Variants in C12orf50 observed in about 807,000 individuals in gnomAD.
C12orf50 encodes zinc finger CCCH-type containing 11D.
In C12orf50, 35 loss-of-function variants were observed where a neutral mutation model predicts 61.6. The ratio of observed to expected loss-of-function variants is 0.57; its 90% CI spans 0.43 to 0.75. C12orf50 has a LOEUF of 0.75. Ranked by LOEUF, C12orf50 falls within the 30% of genes least tolerant of loss-of-function variation. C12orf50 has a pLI of 0.00. For missense variants in C12orf50, 475 were observed against 488.5 expected (o/e 0.97, Z 0.26); for synonymous variants, 178 against 161.5 (o/e 1.10, Z -0.77).
chr12:87,993,200 C>G (rs1009990548), intron 7 of C12orf50, among the ~76,000 whole-genome samples: 3 of 152,084 alleles, frequency 2.0e-5, no homozygotes, highest in African/African-American at 7.2e-5. Context: ...TAACTCCCAA[C>G]AAAGTAGGTA....
chr12:87,990,184 A>G (rs2031051740), intron 7 of C12orf50, among the ~76,000 whole-genome samples: 1 of 152,190 alleles, frequency 6.6e-6, no homozygotes, highest in South Asian at 2.1e-4. Context: ...GTAAGAATGT[A>G]TGTTTATCAT....
At position 87,980,360 on chromosome 12, in the gene C12orf50, A is replaced by G. The variant is rs2030396259; in HGVS notation, c.1220-4T>C. ...TTGCTCCCATTTCTTCTTGGCTCTA[A>G]TAATAAAATACACAAAATATTTCAA... is the stretch of plus-strand genomic sequence containing the variant. On this transcript the variant is annotated splice_region_variant and splice_polypyrimidine_tract_variant and intron_variant, in intron 12 of 12. Coordinates refer to ENST00000298699, the MANE Select transcript of C12orf50 (RefSeq NM_152589.3). The G allele has an allele frequency of 6.2e-7, 1 of 1,604,954 alleles. No individual in the cohort carries two copies. Among genetic ancestry groups the G allele is most frequent in the Non-Finnish European group, 8.5e-7 (1 of 1,172,910 alleles).
chr12:88,003,017 C>A (rs372023642), intron 3 of C12orf50, among the ~76,000 whole-genome samples: 1 of 151,874 alleles, frequency 6.6e-6, no homozygotes, highest in East Asian at 1.9e-4. Flanking sequence ...CTATACATGA[C>A]AAACCCAGTA....
chr12:88,017,398 G>A (rs1418748227), intron 3 of C12orf50, among the ~76,000 whole-genome samples: 1 of 152,198 alleles, frequency 6.6e-6, no homozygotes. Flanking sequence ...GGCCTCCCCA[G>A]CCATGTGGAA....
intron 3 of C12orf50, among the ~76,000 whole-genome samples, chr12:88,008,508 T>A (rs543784519): frequency 2.0e-5 from 3 of 152,176 alleles, no homozygotes; most frequent in African/African-American, 7.2e-5. Context: ...GTCTTTGCTA[T>A]TGTGAATAGT....
chr12:87,980,404 C>T (rs764891796), intron 12 of C12orf50, 48 bp from the exon 13 acceptor site: 18 of 1,479,962 alleles, frequency 1.2e-5, no homozygotes, highest in Non-Finnish European at 1.6e-5. Context: ...TTGTTTAGCG[C>T]ACTGATATTT....
chr12:88,025,271 T>C (rs1367336485), intron 3 of C12orf50, among the ~76,000 whole-genome samples: 2 of 152,112 alleles, frequency 1.3e-5, no homozygotes, highest in African/African-American at 4.8e-5. Flanking sequence ...GGAGTATGGA[T>C]GATTCATGGT....
intron 3 of C12orf50, among the ~76,000 whole-genome samples, chr12:88,024,547 T>G (rs991301915): frequency 6.6e-6 from 1 of 152,170 alleles, no homozygotes; most frequent in Non-Finnish European, 1.5e-5. Context: ...AAATGCCACA[T>G]GTTCTAACTT....
chr12:88,010,985 T>C (rs1441890260), intron 3 of C12orf50, among the ~76,000 whole-genome samples: 1 of 152,136 alleles, frequency 6.6e-6, no homozygotes, highest in African/African-American at 2.4e-5. Flanking sequence ...TTTAAGAAAC[T>C]ACTATAATGT....
chr12:87,996,238 A>G, intron 6 of C12orf50, 136 bp downstream of exon 6: 1 of 676,930 alleles, frequency 1.5e-6, no homozygotes, highest in Non-Finnish European at 2.5e-6. Flanking sequence ...CATCCAATAC[A>G]AACACTTTCT....
rs144368781 is a variant in C12orf50 at position 87,991,965 on chromosome 12, C to T, written c.593-2594G>A. 1.5e-3 allele frequency among the ~76,000 whole-genome samples: 234 copies of T among 152,286 alleles called. 1 individual carries two copies. Among genetic ancestry groups the T allele is most frequent in the East Asian group, 2.9e-3 (15 of 5,172 alleles). ...AAAATTTTGAGTTGCTGGACCCGCA[C>T]ATTCCTAGCTGAGGTCTAACAATGG... On this transcript the variant is annotated intron_variant, in intron 7 of 12. Coordinates refer to ENST00000298699, the MANE Select transcript of C12orf50 (RefSeq NM_152589.3).
Position 87,996,444 on chromosome 12 carries a change from T to G in C12orf50, c.411A>C (p.Ser137=). 4.3e-6 allele frequency: 7 copies of G among 1,613,428 alleles called. No homozygotes were observed. The highest frequency in any genetic ancestry group is 5.9e-6 in the Non-Finnish European group (7 of 1,179,568). Reference sequence around the variant, plus strand: ...TTTCTGCTGTAGGTGTCATGCTTTTTGATGACAAAATATCTGGAGGAGTAT... The same window carrying G: ...TTTCTGCTGTAGGTGTCATGCTTTTGGATGACAAAATATCTGGAGGAGTAT... ...RFHTPPDILS[S]KSMTPTAEKQ... Residue 137 remains serine, a synonymous_variant, in exon 6 of 13, where the codon TCA becomes TCC. Transcript: ENST00000298699.
At chr12:88,000,028 G>A (rs904534542) in intron 3 of C12orf50, among the ~76,000 whole-genome samples, 20 of 151,902 alleles carry the variant, frequency 1.3e-4, no homozygotes, top group Non-Finnish European at 2.5e-4. Flanking sequence ...TTGGGAATTG[G>A]AAAAAAATGA....
rs952198505 is a variant in C12orf50 at position 87,985,759 on chromosome 12, A to C, written c.1126+91T>G. On this transcript the variant is annotated intron_variant, in intron 11 of 12. Transcript: ENST00000298699. ...TGGCCAGGGTAAAGAAGAGGGGAGTAAGTAGTAGTGAAGTTTAGCCAAGCT... is the reference window on the plus strand; with the variant it reads ...TGGCCAGGGTAAAGAAGAGGGGAGTCAGTAGTAGTGAAGTTTAGCCAAGCT... 8.8e-6 allele frequency: 11 copies of C among 1,245,224 alleles called. No homozygotes were observed. In the African/African-American group the frequency reaches 1.3e-4, roughly 15 times the overall value. 77.1% of individuals were successfully genotyped at this position (1,245,224 alleles called of 1,614,324 possible). A position where few individuals can be genotyped will look rare whatever the true frequency, so the allele number is the denominator to read the frequency against.
intron 3 of C12orf50, among the ~76,000 whole-genome samples, chr12:88,013,209 GA>G (rs79216884): frequency 0.087 from 13,197 of 151,568 alleles, 1,543 homozygotes; most frequent in African/African-American, 0.27. Context: ...TTGGATGGGG[GA>G]AAAAAAATAA....
chr12:87,994,727 A>G lies in C12orf50; in HGVS notation c.498T>C (p.Val166=). The change falls in exon 7 of 13, where the codon GTT becomes GTC. Residue 166 remains valine, a synonymous_variant. Coordinates refer to ENST00000298699, the MANE Select transcript of C12orf50 (RefSeq NM_152589.3). Reference sequence around the variant, plus strand: ...TTTCATATTGGCTAAGTTTTGTCGGAACTGTAAGACTATCTCCTAGAAATA... The same window carrying G: ...TTTCATATTGGCTAAGTTTTGTCGGGACTGTAAGACTATCTCCTAGAAATA... ...SELQEGDSLT[V]PTKLSQYERQ... 1 of 1,611,062 alleles carries G rather than the reference A, an allele frequency of 6.2e-7. No individual in the cohort carries two copies. The highest frequency in any genetic ancestry group is 2.2e-5 in the East Asian group (1 of 44,766).
At chr12:87,994,361 G>GACAC (rs35200222) in intron 7 of C12orf50, among the ~76,000 whole-genome samples, 4 of 150,170 alleles carry the variant, frequency 2.7e-5, no homozygotes, top group Non-Finnish European at 4.5e-5. Flanking sequence ...CCTACACACA[G>GACAC]ACACACACAC....
intron 4 of C12orf50, 148 bp from the exon 5 acceptor site, chr12:87,996,794 A>G: frequency 1.7e-6 from 1 of 605,776 alleles, no homozygotes; most frequent in Non-Finnish European, 2.8e-6. Context: ...ATACTAGTAC[A>G]TGTTTCAAAT....
At chr12:88,017,085 A>G (rs756014477) in intron 3 of C12orf50, among the ~76,000 whole-genome samples, 3 of 152,250 alleles carry the variant, frequency 2.0e-5, no homozygotes, top group Non-Finnish European at 2.9e-5. Flanking sequence ...GCAAGTATAC[A>G]GTATGATTTG....
Sources: gnomAD v4.1 joint callset for allele counts (sites outside exome capture counted in the v4.1 genomes callset) on GRCh38, gnomAD v4.1.1 for gene constraint, MANE v1.5 for transcripts, NCBI Gene and HGNC (gene_info 2026-07-23, HGNC 2026-07-21) for gene names.